ELMO1: variants seen among roughly 807,000 people sequenced by gnomAD.
ELMO1 encodes the protein engulfment and cell motility 1, also known as engulfment and cell motility protein 1.
A neutral mutation model predicts 98.9 loss-of-function variants in ELMO1; 26 were observed. The ratio of observed to expected loss-of-function variants is 0.26; its 90% confidence interval spans 0.19 to 0.36. The LOEUF is 0.36. ELMO1 is among the 10% of genes least tolerant of loss of function. The pLI is 1.00. For missense variants in ELMO1, 627 were observed against 935.2 expected (o/e 0.67, Z 4.30); for synonymous variants, 346 against 346.0 (o/e 1.00, Z 0.00).
intron 16 of ELMO1, among the ~76,000 whole-genome samples, chr7:36,948,157 T>C (rs1787660115): frequency 1.3e-5 from 2 of 152,180 alleles, no homozygotes; most frequent in Non-Finnish European, 2.9e-5. Context: ...ATAAAATATT[T>C]ATCTTAGAGA....
rs560042585 is a variant in ELMO1 at position 37,066,534 on chromosome 7, C to T, written c.1300+30085G>A. On this transcript the variant is annotated intron_variant, in intron 15 of 21. Transcript: ENST00000310758. ...ACTGTGGCTACAGGCCAGTAGGCCT[C>T]TGTGCCTCAAAGAGCCTCAAAGAGT... Among the ~76,000 whole-genome samples the T allele has an allele frequency of 3.9e-5, 6 of 152,298 alleles. No individual in the cohort carries two copies. In the East Asian group the frequency reaches 1.2e-3, roughly 29 times the overall value.
intron 13 of ELMO1, among the ~76,000 whole-genome samples, chr7:37,151,818 G>A (rs1314757375): frequency 6.6e-6 from 1 of 152,142 alleles, no homozygotes; most frequent in Non-Finnish European, 1.5e-5. Flanking sequence ...CCACGATAAA[G>A]CTAACAAATA....
At chr7:37,011,753 C>T (rs1793576169) in intron 16 of ELMO1, among the ~76,000 whole-genome samples, 1 of 152,120 alleles carries the variant, frequency 6.6e-6, no homozygotes, top group Non-Finnish European at 1.5e-5. Flanking sequence ...TGAAATGATC[C>T]AGGGCAAAGT....
rs968654190 is a variant in ELMO1 at position 36,888,344 on chromosome 7, AT to A, written c.1602-673del. On this transcript the variant is annotated intron_variant, in intron 17 of 21. Transcript: ENST00000310758. ...CATGATAGAGTGAAATGGTTTTCAAATTTTTTTTTTTAGAGCAGAAATTTTT... is the reference window on the plus strand; with the variant it reads ...CATGATAGAGTGAAATGGTTTTCAAATTTTTTTTTTAGAGCAGAAATTTTT... Among the ~76,000 whole-genome samples the A allele has an allele frequency of 4.5e-3, 668 of 148,846 alleles. 2 individuals are homozygous for A. Among genetic ancestry groups the A allele is most frequent in the African/African-American group, 0.014 (588 of 40,872 alleles).
At chr7:37,130,331 T>C (rs1378516366) in intron 14 of ELMO1, among the ~76,000 whole-genome samples, 1 of 152,100 alleles carries the variant, frequency 6.6e-6, no homozygotes, top group Non-Finnish European at 1.5e-5. Context: ...GATGGTTACT[T>C]AGGAAATGTG....
chr7:37,376,278 T>C (rs1046010274), intron 1 of ELMO1, among the ~76,000 whole-genome samples: 10 of 152,246 alleles, frequency 6.6e-5, no homozygotes, highest in African/African-American at 2.2e-4. Context: ...CCTGACTCCA[T>C]CTTGCTTCGA....
intron 10 of ELMO1, among the ~76,000 whole-genome samples, chr7:37,222,413 C>T (rs1421907059): frequency 6.6e-6 from 1 of 152,192 alleles, no homozygotes; most frequent in Non-Finnish European, 1.5e-5. Flanking sequence ...AAGGGCTTAT[C>T]CATCTCTACC....
At chr7:37,296,518 C>T (rs1370088396) in intron 4 of ELMO1, among the ~76,000 whole-genome samples, 1 of 152,216 alleles carries the variant, frequency 6.6e-6, no homozygotes, top group African/African-American at 2.4e-5. Flanking sequence ...CTACAAAATC[C>T]TCGTTGCCAT....
At chr7:37,179,427 G>A (rs547017281) in intron 13 of ELMO1, among the ~76,000 whole-genome samples, 6 of 151,768 alleles carry the variant, frequency 4.0e-5, no homozygotes, top group East Asian at 1.9e-4. Context: ...ACAGGGGCCC[G>A]CCACCACGAC....
chr7:37,137,524 A>C (rs1312427834), intron 13 of ELMO1, among the ~76,000 whole-genome samples: 2 of 151,964 alleles, frequency 1.3e-5, no homozygotes, highest in Non-Finnish European at 2.9e-5. Flanking sequence ...ATGATAGACC[A>C]CAAAAGAAGT....
chr7:37,101,034 T>C (rs1784610096), intron 14 of ELMO1, among the ~76,000 whole-genome samples: 1 of 152,264 alleles, frequency 6.6e-6, no homozygotes, highest in Admixed American at 6.5e-5. Context: ...TTGTGCTCTC[T>C]CTTCCTGTTT....
At chr7:37,038,711 G>A (rs1188438145) in intron 15 of ELMO1, among the ~76,000 whole-genome samples, 2 of 152,144 alleles carry the variant, frequency 1.3e-5, no homozygotes, top group African/African-American at 4.8e-5. Flanking sequence ...TAGACTAAGT[G>A]ACTTAAAAAA....
intron 16 of ELMO1, among the ~76,000 whole-genome samples, chr7:36,973,628 G>A (rs942213799): frequency 1.3e-5 from 2 of 152,130 alleles, no homozygotes; most frequent in Non-Finnish European, 2.9e-5. Flanking sequence ...CCTCTGCCTG[G>A]GCTCCCACTT....
intron 13 of ELMO1, among the ~76,000 whole-genome samples, chr7:37,153,709 C>A (rs963500274): frequency 1.3e-5 from 2 of 152,230 alleles, no homozygotes; most frequent in Non-Finnish European, 2.9e-5. Flanking sequence ...TCTCTAGATT[C>A]CACCTCTGGA....
At chr7:37,104,715 A>C (rs1360926550) in intron 14 of ELMO1, among the ~76,000 whole-genome samples, 1 of 152,232 alleles carries the variant, frequency 6.6e-6, no homozygotes, top group Non-Finnish European at 1.5e-5. Flanking sequence ...GAAATGACCA[A>C]GTTAAGAATG....
chr7:37,238,361 A>G (rs1181408729), intron 7 of ELMO1, among the ~76,000 whole-genome samples: 2 of 152,164 alleles, frequency 1.3e-5, no homozygotes, highest in Non-Finnish European at 2.9e-5. Flanking sequence ...TCATTTTCCA[A>G]TGGTTGCTGT....
At chr7:37,365,700 G>A (rs941824759) in intron 1 of ELMO1, among the ~76,000 whole-genome samples, 2 of 152,186 alleles carry the variant, frequency 1.3e-5, no homozygotes, top group Non-Finnish European at 2.9e-5. Flanking sequence ...AATCAACGCA[G>A]ACAATCTGAA....
chr7:36,861,674 A>G lies in ELMO1; in HGVS notation c.1968T>C (p.Ala656=), dbSNP rs1802641602. Residue 656 remains alanine, a synonymous_variant, in exon 21 of 22, where the codon GCT becomes GCC. Coordinates refer to ENST00000310758, the MANE Select transcript of ELMO1 (RefSeq NM_014800.11). ...AGACCCTTACCTCATGCTTGTCAGG[A>G]GCGATGAAGTTCAGTTGGCAGTTTG... ...YDSNCQLNFI[A]PDKHEYCIWT... is the part of the protein sequence containing the mutation. 3.7e-6 allele frequency: 6 copies of G among 1,612,876 alleles called. No homozygotes were observed. Among genetic ancestry groups the G allele is most frequent in the Non-Finnish European group, 5.1e-6 (6 of 1,179,784 alleles).
intron 18 of ELMO1, among the ~76,000 whole-genome samples, chr7:36,880,818 GCTAT>G (rs1379818126): frequency 6.6e-6 from 1 of 152,170 alleles, no homozygotes; most frequent in Non-Finnish European, 1.5e-5. Flanking sequence ...GAGAACAGTG[GCTAT>G]CTGTCAGAGT....
Sources: allele counts gnomAD v4.1 joint callset (sites outside exome capture counted in the v4.1 genomes callset), GRCh38; gene constraint gnomAD v4.1.1; transcripts MANE v1.5; gene names NCBI Gene and HGNC (gene_info 2026-07-23, HGNC 2026-07-21).